CSMD1: variants seen among roughly 807,000 people sequenced by gnomAD.
The protein encoded by CSMD1 is CUB and Sushi multiple domains 1, also known as CUB and sushi domain-containing protein 1.
CSMD1 carries 213 observed loss-of-function variants against 417.5 expected under a neutral mutation model. The ratio of observed to expected loss-of-function variants is 0.51; its 90% confidence interval spans 0.46 to 0.57. The LOEUF (loss-of-function observed/expected upper bound fraction) is 0.57, where lower values mean the gene tolerates loss of function less well. Among genes scored for constraint, CSMD1 ranks in the 20% least tolerant of loss-of-function variants. The pLI is 0.00. For synonymous variants in CSMD1, 2,862 were observed against 1,736.8 expected (o/e 1.65, Z -16.11); for missense variants, 6,923 against 4,529.7 (o/e 1.53, Z -15.17).
chr8:3,451,427 T>C (rs1029540203), intron 12 of CSMD1, among the ~76,000 whole-genome samples: 2 of 152,220 alleles, frequency 1.3e-5, no homozygotes, highest in African/African-American at 4.8e-5. Flanking sequence ...TAGGTGTTCT[T>C]CTAGGGTTTT....
chr8:3,509,160 C>G (rs1361448800), intron 10 of CSMD1, among the ~76,000 whole-genome samples: 1 of 152,074 alleles, frequency 6.6e-6, no homozygotes, highest in Non-Finnish European at 1.5e-5. Flanking sequence ...AAGGTCAACT[C>G]AAAAGTTTCT....
chr8:3,830,952 C>A (rs1034718848), intron 5 of CSMD1, among the ~76,000 whole-genome samples: 3 of 152,112 alleles, frequency 2.0e-5, no homozygotes, highest in African/African-American at 4.8e-5. Context: ...TTCTGAGGGA[C>A]AGTTCACCTA....
At chr8:3,162,123 G>C (rs774674122) in intron 38 of CSMD1, 36 bp downstream of exon 38, 1 of 1,304,112 alleles carries the variant, frequency 7.7e-7, no homozygotes, top group Non-Finnish European at 1.1e-6. Context: ...AGATGACCAT[G>C]TGTATGTTAT....
chr8:4,405,935 A>G (rs1804985708), intron 3 of CSMD1, among the ~76,000 whole-genome samples: 1 of 152,198 alleles, frequency 6.6e-6, no homozygotes, highest in South Asian at 2.1e-4. Flanking sequence ...TCCTTTAATT[A>G]GTATCCTGAG....
chr8:3,938,679 GAATGGCAGGAGTTGACTCTAC>G (rs1299950810), intron 5 of CSMD1, among the ~76,000 whole-genome samples: 1 of 152,148 alleles, frequency 6.6e-6, no homozygotes, highest in Non-Finnish European at 1.5e-5. Flanking sequence ...TAATTACTTT[GAATGGCAGGAGTTGACTCTAC>G]AACAATTATA....
intron 26 of CSMD1, among the ~76,000 whole-genome samples, chr8:3,237,364 G>A (rs561299478): frequency 6.6e-6 from 1 of 151,888 alleles, no homozygotes; most frequent in Admixed American, 6.6e-5. Context: ...CTACTCGGGA[G>A]GCTGAGGCAG....
At chr8:4,506,088 AT>A (rs762892350) in intron 2 of CSMD1, among the ~76,000 whole-genome samples, 4 of 152,184 alleles carry the variant, frequency 2.6e-5, no homozygotes, top group Non-Finnish European at 4.4e-5. Context: ...AATAACCAAA[AT>A]TAATTACCAC....
intron 3 of CSMD1, among the ~76,000 whole-genome samples, chr8:4,179,548 C>T (rs1798240375): frequency 6.7e-6 from 1 of 150,224 alleles, no homozygotes; most frequent in Non-Finnish European, 1.5e-5. Context: ...ACACCAAAAG[C>T]AATGACAACA....
chr8:4,146,593 C>CTTTTTTTTTTTTTTTTT lies in CSMD1; in HGVS notation c.416-114495_416-114494insAAAAAAAAAAAAAAAAA, dbSNP rs1208930261. On this transcript the variant is annotated intron_variant, in intron 3 of 69. Transcript: ENST00000635120. ...ATCTGTCTAAATGTTTATATGGACACATTTTTTTTTTTTTTTTTTTTTTTT... is the reference window on the plus strand; with the variant it reads ...ATCTGTCTAAATGTTTATATGGACACTTTTTTTTTTTTTTTTTATTTTTTTTTTTTTTTTTTTTTTTT... Among the ~76,000 whole-genome samples the CTTTTTTTTTTTTTTTTT allele has an allele frequency of 7.4e-4, 67 of 90,738 alleles. 18 individuals are homozygous for CTTTTTTTTTTTTTTTTT. The highest frequency in any genetic ancestry group is 9.0e-4 in the Non-Finnish European group (46 of 51,284). 59.5% of individuals were successfully genotyped at this position (90,738 alleles called of 152,430 possible).
At position 4,767,715 on chromosome 8, in the gene CSMD1, A is replaced by G. The variant is rs189017784; in HGVS notation, c.86-130157T>C. Among the ~76,000 whole-genome samples the G allele has an allele frequency of 2.7e-4, 41 of 152,308 alleles. 1 individual carries two copies. In the East Asian group the frequency reaches 3.5e-3, roughly 13 times the overall value. On this transcript the variant is annotated intron_variant, in intron 1 of 69. Transcript: ENST00000635120. ...TTCACAGGTACCCAGGCTGGATGAA[A>G]CACCACTTCTGTGCTCAGGCTTGAT...
chr8:3,890,693 C>T (rs1316509100), intron 5 of CSMD1, among the ~76,000 whole-genome samples: 4 of 151,472 alleles, frequency 2.6e-5, no homozygotes. Context: ...TGAGTCCTGC[C>T]CCAGAAAACA....
chr8:4,293,681 T>A (rs1797504414), intron 3 of CSMD1, among the ~76,000 whole-genome samples: 1 of 152,164 alleles, frequency 6.6e-6, no homozygotes, highest in South Asian at 2.1e-4. Flanking sequence ...ATAACAATCA[T>A]ATCTCATTAC....
intron 6 of CSMD1, among the ~76,000 whole-genome samples, chr8:3,737,549 C>T (rs1796586225): frequency 6.6e-6 from 1 of 152,190 alleles, no homozygotes; most frequent in Non-Finnish European, 1.5e-5. Flanking sequence ...TACCAATCTC[C>T]TTGCACAGAG....
chr8:4,843,517 C>T (rs924541879), intron 1 of CSMD1, among the ~76,000 whole-genome samples: 1 of 152,116 alleles, frequency 6.6e-6, no homozygotes, highest in East Asian at 1.9e-4. Flanking sequence ...TCTAACTCCC[C>T]TATTTCTGCA....
Position 2,966,511 on chromosome 8 carries a change from TCCCAATGGA to T in CSMD1, c.9100+50_9100+58del. 6 of 1,496,398 alleles carry T rather than the reference TCCCAATGGA, an allele frequency of 4.0e-6. No homozygotes were observed. The Admixed American group carries it at 5.8e-5, about 15-fold the overall frequency. The allele number at this position is 1,496,398 out of a possible 1,614,324, so 92.7% of individuals were successfully genotyped here. A position where few individuals can be genotyped will look rare whatever the true frequency, so the allele number is the denominator to read the frequency against. ...TATAACACCTTAAAGTCATTTTTTTTCCCAATGGAGTGAATTTCATAGTAACGTCTGAGT... is the reference window on the plus strand; with the variant it reads ...TATAACACCTTAAAGTCATTTTTTTTGTGAATTTCATAGTAACGTCTGAGT... On this transcript the variant is annotated intron_variant, in intron 58 of 69. Coordinates refer to ENST00000635120, the MANE Select transcript of CSMD1 (RefSeq NM_033225.6).
chr8:4,477,144 C>T (rs139851643), intron 2 of CSMD1, among the ~76,000 whole-genome samples: 236 of 152,312 alleles, frequency 1.5e-3, no homozygotes, highest in African/African-American at 4.8e-3. Context: ...ATCCAGTGGG[C>T]ATTCTGTGAC....
chr8:3,189,387 A>T (rs1452892579), intron 34 of CSMD1, among the ~76,000 whole-genome samples: 2 of 152,208 alleles, frequency 1.3e-5, no homozygotes, highest in Non-Finnish European at 2.9e-5. Context: ...AAATGATATT[A>T]ATGGGATTTA....
chr8:4,693,088 T>G (rs983931503), intron 1 of CSMD1, among the ~76,000 whole-genome samples: 1 of 152,146 alleles, frequency 6.6e-6, no homozygotes, highest in Admixed American at 6.5e-5. Flanking sequence ...CTTCTCCACA[T>G]CCTCTCGGAA....
At chr8:3,308,681 T>A (rs1178070449) in intron 23 of CSMD1, among the ~76,000 whole-genome samples, 178 bp from the exon 24 acceptor site, 1 of 151,594 alleles carries the variant, frequency 6.6e-6, no homozygotes, top group Non-Finnish European at 1.5e-5. Flanking sequence ...TTGTTACCCA[T>A]TTGTGATTTC....
Sources: gnomAD v4.1 joint callset for allele counts (sites outside exome capture counted in the v4.1 genomes callset) on GRCh38, gnomAD v4.1.1 for gene constraint, MANE v1.5 for transcripts, NCBI Gene and HGNC (gene_info 2026-07-23, HGNC 2026-07-21) for gene names.